BTN3A2: variants seen among roughly 807,000 people sequenced by gnomAD.
The protein encoded by BTN3A2 is butyrophilin subfamily 3 member A2.
Under a neutral mutation model 37.6 loss-of-function variants are expected in BTN3A2, and 25 were observed. The observed-to-expected ratio is 0.66, with a 90% CI of 0.48 to 0.93. BTN3A2 has a LOEUF of 0.93. Ranked by LOEUF, BTN3A2 falls within the 40% of genes least tolerant of loss-of-function variation. The pLI, the probability that BTN3A2 is intolerant of heterozygous loss-of-function variation, is 0.00. For synonymous variants in BTN3A2, 122 were observed against 159.4 expected (o/e 0.77, Z 1.77); for missense variants, 266 against 410.9 (o/e 0.65, Z 3.05).
chr6:26,365,968 T>C (rs546450861), intron 1 of BTN3A2, among the ~76,000 whole-genome samples: 1 of 152,220 alleles, frequency 6.6e-6, no homozygotes, highest in Admixed American at 6.5e-5. Context: ...AAATTCTTTA[T>C]AATTTTAATA....
chr6:26,368,474 T>C (rs1312693657), intron 3 of BTN3A2, 91 bp from the exon 4 acceptor site: 7 of 1,595,574 alleles, frequency 4.4e-6, no homozygotes, highest in Non-Finnish European at 6.0e-6. Context: ...CTAGGTTCTC[T>C]GTATCTCGCC....
rs1581576566 is a variant in BTN3A2 at position 26,377,717 on chromosome 6, A to G, written c.*1955A>G. ...TTTTTCCTGCATGGGAAGAGCCCAC[A>G]TGTAGCCCTGAGGTTCCCTTCCCAG... On this transcript the variant is annotated 3_prime_UTR_variant, in exon 11 of 11. Coordinates refer to ENST00000377708, the MANE Select transcript of BTN3A2 (RefSeq NM_007047.5). 2 of 177,648 alleles carry G rather than the reference A, an allele frequency of 1.1e-5. No homozygotes were observed. The highest frequency in any genetic ancestry group is 5.5e-3 in the Middle Eastern group (2 of 364). 11.0% of individuals were successfully genotyped at this position (177,648 alleles called of 1,614,324 possible).
chr6:26,371,622 A>G (rs1277195920), intron 5 of BTN3A2, among the ~76,000 whole-genome samples: 1 of 152,080 alleles, frequency 6.6e-6, no homozygotes, highest in Non-Finnish European at 1.5e-5. Context: ...TATCTGATAG[A>G]TAAGCTTGCA....
Position 26,375,940 on chromosome 6 carries a change from C to T in BTN3A2, c.*178C>T, listed in dbSNP as rs1760675293. On this transcript the variant is annotated 3_prime_UTR_variant, in exon 11 of 11. Coordinates refer to ENST00000377708, the MANE Select transcript of BTN3A2 (RefSeq NM_007047.5). ...TAACCTCTGAGGGCCAGCACAGCAG[C>T]TCATGCCTGTAATCCTAGCACTTTG... The T allele has an allele frequency of 7.5e-7, 1 of 1,337,980 alleles. No homozygotes were observed. Among genetic ancestry groups the T allele is most frequent in the Admixed American group, 2.1e-5 (1 of 47,608 alleles). The allele number at this position is 1,337,980 out of a possible 1,614,324, so 82.9% of individuals were successfully genotyped here.
chr6:26,367,576 A>G (rs888330414), intron 1 of BTN3A2, among the ~76,000 whole-genome samples: 1 of 152,186 alleles, frequency 6.6e-6, no homozygotes, highest in Admixed American at 6.5e-5. Context: ...ATATTTGTTG[A>G]ATAACTTTAT....
Position 26,376,828 on chromosome 6 carries a change from T to A in BTN3A2, c.*1066T>A. On this transcript the variant is annotated 3_prime_UTR_variant, in exon 11 of 11. Transcript: ENST00000377708. ...GAGAGGAAAAAAGTTTGGGTCAAAA[T>A]GACACCGGAGAACGGATACTGGACT... 6.2e-7 allele frequency: 1 copy of A among 1,613,962 alleles called. No individual in the cohort carries two copies.
chr6:26,369,442 G>A (rs1272850388), intron 4 of BTN3A2, among the ~76,000 whole-genome samples: 1 of 152,206 alleles, frequency 6.6e-6, no homozygotes, highest in African/African-American at 2.4e-5. Flanking sequence ...GAAGGTGTTA[G>A]AGCAGACTTG....
intron 4 of BTN3A2, among the ~76,000 whole-genome samples, chr6:26,369,746 G>C (rs535329347): frequency 6.6e-6 from 1 of 152,144 alleles, no homozygotes; most frequent in African/African-American, 2.4e-5. Context: ...TTTTTCCCAT[G>C]ATCCATCATA....
rs370896790 is a variant in BTN3A2, at chr6:26,374,565, A to T, written c.*6+192A>T. On this transcript the variant is annotated intron_variant, in intron 9 of 10. Transcript: ENST00000377708. The stretch of plus-strand genomic sequence containing the variant: ...ACCCCCTTGTAAAGCCTGGCCATGC[A>T]TCCTGCACCCCCCATGACACAGGGA... The T allele has an allele frequency of 4.8e-6, 4 of 837,840 alleles. No individual in the cohort carries two copies. In the East Asian group the frequency reaches 8.0e-5, roughly 17 times the overall value. 51.9% of individuals were successfully genotyped at this position (837,840 alleles called of 1,614,324 possible).
intron 5 of BTN3A2, 45 bp from the exon 6 acceptor site, chr6:26,372,852 G>A: frequency 1.9e-6 from 3 of 1,608,620 alleles, no homozygotes; most frequent in Non-Finnish European, 1.7e-6. Flanking sequence ...GGCTGGGGAG[G>A]CTGAGCGCAC....
intron 1 of BTN3A2, 113 bp from the exon 2 acceptor site, chr6:26,367,877 G>A (rs1369138886): frequency 5.3e-6 from 2 of 374,652 alleles, no homozygotes; most frequent in Non-Finnish European, 9.2e-6. Flanking sequence ...GATGATGGAA[G>A]CTTGGACCTG....
At chr6:26,365,392 A>G (rs1018401804) in intron 1 of BTN3A2, 40 bp downstream of exon 1, 27 of 1,534,262 alleles carry the variant, frequency 1.8e-5, no homozygotes, top group Admixed American at 3.9e-5. Flanking sequence ...GCTACAACGC[A>G]TGGGAGGAGC....
intron 1 of BTN3A2, among the ~76,000 whole-genome samples, chr6:26,367,444 T>C (rs1759620056): frequency 6.6e-6 from 1 of 152,208 alleles, no homozygotes; most frequent in Non-Finnish European, 1.5e-5. Context: ...AAAGTTGAAA[T>C]GGTTTTGTCC....
intron 10 of BTN3A2, 146 bp downstream of exon 10, chr6:26,374,944 G>A: frequency 1.3e-6 from 1 of 788,578 alleles, no homozygotes; most frequent in Non-Finnish European, 2.0e-6. Flanking sequence ...AAGGGTGGAG[G>A]TGAAGGGAAG....
intron 3 of BTN3A2, 24 bp from the exon 4 acceptor site, chr6:26,368,541 G>A (rs1016310449): frequency 9.3e-6 from 15 of 1,613,866 alleles, no homozygotes; most frequent in Admixed American, 1.7e-5. Flanking sequence ...ACCCTCTGAT[G>A]GAGCTTCCCC....
chr6:26,378,265 A>T lies in BTN3A2; in HGVS notation c.*2503A>T, dbSNP rs183301625. 2 of 152,286 alleles carry T rather than the reference A, an allele frequency of 1.3e-5. No individual in the cohort carries two copies. The highest frequency in any genetic ancestry group is 6.5e-5 in the Admixed American group (1 of 15,308). 9.4% of individuals were successfully genotyped at this position (152,286 alleles called of 1,614,324 possible). ...ACCACTGTATCCCCTCTACTGGGCA[A>T]GTGCTTGTCAAGTTCTAGTTGTTCA... On this transcript the variant is annotated 3_prime_UTR_variant, in exon 11 of 11. Coordinates refer to ENST00000377708, the MANE Select transcript of BTN3A2 (RefSeq NM_007047.5).
chr6:26,371,670 T>C (rs1012403263), intron 5 of BTN3A2, among the ~76,000 whole-genome samples: 13 of 152,228 alleles, frequency 8.5e-5, no homozygotes, highest in Admixed American at 2.6e-4. Flanking sequence ...TTTCTGTTTT[T>C]CGTTGTGTGT....
In BTN3A2 at chr6:26,374,369, G is replaced by A; in HGVS notation, c.*2G>A. On this transcript the variant is annotated 3_prime_UTR_variant, in exon 9 of 11. Transcript: ENST00000377708. ...TCCGATACCAATAAGTCAGCCTGAT[G>A]CTCTGTAAGTTTGCTGGGTCACATG... is the stretch of plus-strand genomic sequence containing the variant. 1 of 1,613,764 alleles carries A rather than the reference G, an allele frequency of 6.2e-7. No homozygotes were observed. The highest frequency in any genetic ancestry group is 1.1e-5 in the South Asian group (1 of 91,072).
intron 10 of BTN3A2, 159 bp downstream of exon 10, chr6:26,374,957 GAC>G (rs1561810833): frequency 1.0e-5 from 7 of 684,524 alleles, no homozygotes; most frequent in Admixed American, 3.0e-5. Context: ...AAGGGAAGGA[GAC>G]ACACACTGAG....
Sources: gnomAD v4.1 joint callset for allele counts (sites outside exome capture counted in the v4.1 genomes callset) on GRCh38, gnomAD v4.1.1 for gene constraint, MANE v1.5 for transcripts, NCBI Gene and HGNC (gene_info 2026-07-23, HGNC 2026-07-21) for gene names.